The following CCNYL1 variants were observed in gnomAD, a reference collection of about 807,000 sequenced individuals.
CCNYL1 encodes the protein cyclin-Y-like protein 1.
A neutral mutation model predicts 44.2 loss-of-function variants in CCNYL1; 16 were observed. That is an observed-to-expected ratio of 0.36 (90% CI 0.25 to 0.55). The LOEUF is 0.55. Among genes scored for constraint, CCNYL1 ranks in the 20% least tolerant of loss-of-function variants. The probability of loss-of-function intolerance (pLI) is 0.85; values close to 1 mark genes in which losing one functional copy is unlikely to be tolerated. For synonymous variants in CCNYL1, 159 were observed against 163.2 expected, an observed-to-expected ratio of 0.97 and a Z score of 0.20; for missense variants, 348 against 451.8, an observed-to-expected ratio of 0.77 and a Z score of 2.08.
Position 207,753,677 on chromosome 2 carries a change from C to A in CCNYL1, c.1059C>A (p.Arg353=). Reference sequence around the variant, plus strand: ...CTGATAACTTCATTGGTATTCAGCGCTCTAAAGCCATCCTCTCTTAAAAGG... The same window carrying A: ...CTGATAACTTCATTGGTATTCAGCGATCTAAAGCCATCCTCTCTTAAAAGG... ...FSADNFIGIQ[R]SKAILS is the part of the protein sequence containing the mutation. The change falls in exon 10 of 10, where the codon CGC becomes CGA. Residue 353 remains arginine (R), a synonymous_variant. Transcript: ENST00000295414. The A allele has an allele frequency of 6.2e-7, 1 of 1,610,876 alleles. No individual in the cohort carries two copies. Among genetic ancestry groups the A allele is most frequent in the Non-Finnish European group, 8.5e-7 (1 of 1,177,560 alleles).
intron 7 of CCNYL1, among the ~76,000 whole-genome samples, chr2:207,746,585 T>TG (rs1397342604): frequency 6.6e-6 from 1 of 152,250 alleles, no homozygotes; most frequent in Non-Finnish European, 1.5e-5. Flanking sequence ...TTTAGTGTCT[T>TG]GCTTTGGCTG....
rs192765901 is a variant in CCNYL1, at chr2:207,737,018, C to T, written c.432-393C>T. ...GCAAGCTCTGCCTCCCGGGTTCACG[C>T]CATTCTCTTGCCTCAGCCTCCTGAG... On this transcript the variant is annotated intron_variant, in intron 4 of 9. Coordinates refer to ENST00000295414, the MANE Select transcript of CCNYL1 (RefSeq NM_001330218.2). Among the ~76,000 whole-genome samples the T allele has an allele frequency of 2.0e-3, 305 of 152,092 alleles. 2 individuals are homozygous for T. Among genetic ancestry groups the T allele is most frequent in the African/African-American group, 7.2e-3 (300 of 41,498 alleles).
At chr2:207,745,401 G>A (rs987079334) in intron 7 of CCNYL1, among the ~76,000 whole-genome samples, 2 of 152,162 alleles carry the variant, frequency 1.3e-5, no homozygotes, top group African/African-American at 4.8e-5. Context: ...CACATCACCA[G>A]CTTACCCGTA....
At chr2:207,734,074 T>C (rs1394196123) in intron 4 of CCNYL1, 27 bp downstream of exon 4, 1 of 1,423,980 alleles carries the variant, frequency 7.0e-7, no homozygotes, top group Admixed American at 1.7e-5. Flanking sequence ...TGCCAAGGGC[T>C]GAGTGACAGA....
intron 9 of CCNYL1, 105 bp downstream of exon 9, chr2:207,751,224 A>G: frequency 1.0e-6 from 1 of 991,938 alleles, no homozygotes; most frequent in South Asian, 1.7e-5. Flanking sequence ...AAGCTTTAAA[A>G]TTAACTAACA....
chr2:207,737,004 C>T (rs1010361637), intron 4 of CCNYL1, among the ~76,000 whole-genome samples: 1 of 151,962 alleles, frequency 6.6e-6, no homozygotes, highest in African/African-American at 2.4e-5. Context: ...CAAGCTCTGC[C>T]TCCCGGGTTC....
rs2091923488 is a variant in CCNYL1 at position 207,755,220 on chromosome 2, A to G, written c.*1522A>G. ...ATAGTGAGACCCTGCCTGTAAAAAA[A>G]AATAATAAAAATAGTTGGATATGGT... On this transcript the variant is annotated 3_prime_UTR_variant, in exon 10 of 10. Transcript: ENST00000295414. The G allele has an allele frequency of 6.6e-6, 1 of 152,126 alleles. No homozygotes were observed. Among genetic ancestry groups the G allele is most frequent in the South Asian group, 2.1e-4 (1 of 4,828 alleles). 9.4% of individuals were successfully genotyped at this position (152,126 alleles called of 1,614,324 possible). A position where few individuals can be genotyped will look rare whatever the true frequency, so the allele number is the denominator to read the frequency against.
At chr2:207,723,463 C>T (rs978444366) in intron 1 of CCNYL1, among the ~76,000 whole-genome samples, 1 of 152,080 alleles carries the variant, frequency 6.6e-6, no homozygotes, top group Non-Finnish European at 1.5e-5. Context: ...ACCACTAAAT[C>T]GCTTTTTTAA....
chr2:207,721,579 T>G (rs902386474), intron 1 of CCNYL1, among the ~76,000 whole-genome samples: 2 of 152,222 alleles, frequency 1.3e-5, no homozygotes, highest in Non-Finnish European at 2.9e-5. Flanking sequence ...TTTGTCTTAC[T>G]TGCCCCCCAT....
At chr2:207,731,633 C>T (rs1038294675) in intron 3 of CCNYL1, among the ~76,000 whole-genome samples, 1 of 152,006 alleles carries the variant, frequency 6.6e-6, no homozygotes, top group African/African-American at 2.4e-5. Flanking sequence ...AGTTTTCCAG[C>T]AACATGATGG....
intron 5 of CCNYL1, among the ~76,000 whole-genome samples, chr2:207,739,508 G>A (rs2105834217): frequency 6.6e-6 from 1 of 152,300 alleles, no homozygotes; most frequent in Non-Finnish European, 1.5e-5. Context: ...GGGATTATAG[G>A]CATGAGCCAC....
At chr2:207,714,443 T>C in intron 1 of CCNYL1, 1 of 380,724 alleles carries the variant, frequency 2.6e-6, no homozygotes, top group South Asian at 2.0e-5. Flanking sequence ...ACCACGGGCG[T>C]GTGCCATCTT....
At position 207,741,843 on chromosome 2, in the gene CCNYL1, C is replaced by T. The variant is rs551170011; in HGVS notation, c.520-380C>T. ...CCTGGGCGACAGAGCAAGACTGGGT[C>T]TCAAAAAAAAAAAAAAAAGTACTTA... On this transcript the variant is annotated intron_variant, in intron 6 of 9. Transcript: ENST00000295414. 8.8e-3 allele frequency among the ~76,000 whole-genome samples: 1,202 copies of T among 136,258 alleles called. 16 individuals are homozygous for T. The highest frequency in any genetic ancestry group is 0.033 in the African/African-American group (1,147 of 35,168). 89.4% of individuals were successfully genotyped at this position (136,258 alleles called of 152,430 possible).
intron 2 of CCNYL1, among the ~76,000 whole-genome samples, chr2:207,725,907 G>T (rs1471201024): frequency 2.0e-5 from 3 of 152,188 alleles, no homozygotes; most frequent in Non-Finnish European, 4.4e-5. Flanking sequence ...AAGAATACAA[G>T]AAGTGGGGGT....
Sources: gnomAD v4.1 joint callset for allele counts (sites outside exome capture counted in the v4.1 genomes callset) on GRCh38, gnomAD v4.1.1 for gene constraint, MANE v1.5 for transcripts, NCBI Gene and HGNC (gene_info 2026-07-23, HGNC 2026-07-21) for gene names.